The following MTR variants were observed in gnomAD, a reference collection of about 807,000 sequenced individuals.
MTR encodes the protein 5-methyltetrahydrofolate-homocysteine methyltransferase, also known as methionine synthase.
In MTR, 84 loss-of-function variants were observed where a neutral mutation model predicts 154.8. The ratio of observed to expected loss-of-function variants is 0.54; its 90% CI spans 0.45 to 0.65. The LOEUF is 0.65. Ranked by LOEUF, MTR falls within the 30% of genes least tolerant of loss-of-function variation. MTR has a pLI of 0.00. For synonymous variants in MTR, 554 were observed against 553.9 expected (o/e 1.00, Z 0.00); for missense variants, 1,275 against 1,570.2 (o/e 0.81, Z 3.18).
intron 8 of MTR, chr1:236,819,774 T>C (rs137996827): frequency 2.6e-6 from 2 of 757,258 alleles, no homozygotes; most frequent in Non-Finnish European, 4.8e-6. Context: ...TGATGGGATC[T>C]ACATCATAAA....
chr1:236,852,875 A>T (rs1334206461), intron 17 of MTR, 73 bp from the exon 18 acceptor site: 5 of 1,556,404 alleles, frequency 3.2e-6, no homozygotes, highest in African/African-American at 1.4e-5. Context: ...CTGGCCCTTT[A>T]CAGAGAAAAG....
intron 19 of MTR, among the ~76,000 whole-genome samples, 166 bp downstream of exon 19, chr1:236,860,088 C>A (rs991483809): frequency 1.6e-5 from 1 of 64,498 alleles, no homozygotes; most frequent in Non-Finnish European, 3.3e-5. Context: ...CCCCCCCCCC[C>A]CCACCATAGC....
intron 31 of MTR, among the ~76,000 whole-genome samples, chr1:236,896,070 C>T (rs1176472005): frequency 6.6e-6 from 1 of 152,148 alleles, no homozygotes; most frequent in Non-Finnish European, 1.5e-5. Context: ...TATGTTTTGC[C>T]TGTGGATTGA....
chr1:236,801,457 C>T (rs1469966798), intron 1 of MTR, among the ~76,000 whole-genome samples: 1 of 152,172 alleles, frequency 6.6e-6, no homozygotes, highest in Non-Finnish European at 1.5e-5. Context: ...CCATTTAGCC[C>T]CAGTTCTCAT....
intron 15 of MTR, among the ~76,000 whole-genome samples, chr1:236,846,248 T>C (rs369175514): frequency 4.6e-5 from 7 of 152,252 alleles, no homozygotes; most frequent in South Asian, 4.1e-4. Context: ...ACAAGTATAC[T>C]GACTCTAGAT....
intron 24 of MTR, among the ~76,000 whole-genome samples, chr1:236,879,605 C>T (rs190964400): frequency 1.3e-5 from 2 of 152,226 alleles, no homozygotes; most frequent in African/African-American, 4.8e-5. Flanking sequence ...TCCTCCCTCT[C>T]CAGGGGTTCT....
At chr1:236,874,575 A>G in intron 23 of MTR, 151 bp from the exon 24 acceptor site, 1 of 648,720 alleles carries the variant, frequency 1.5e-6, no homozygotes, top group Middle Eastern at 4.6e-4. Flanking sequence ...CATCTCAAAA[A>G]AAAAAAAAAA....
intron 30 of MTR, 97 bp downstream of exon 30, chr1:236,894,654 G>T: frequency 2.2e-5 from 25 of 1,147,548 alleles, no homozygotes; most frequent in Non-Finnish European, 3.1e-5. Flanking sequence ...CTTAGAACCA[G>T]TGTCTTTTTT....
chr1:236,883,484 A>G (rs1325520334), intron 25 of MTR, among the ~76,000 whole-genome samples: 1 of 152,218 alleles, frequency 6.6e-6, no homozygotes, highest in Non-Finnish European at 1.5e-5. Flanking sequence ...TGTCAAGGAC[A>G]TCTGGTTTTG....
intron 6 of MTR, among the ~76,000 whole-genome samples, chr1:236,813,506 A>T (rs1016043153): frequency 6.6e-6 from 1 of 152,180 alleles, no homozygotes; most frequent in South Asian, 2.1e-4. Context: ...AGCAATGTAC[A>T]ATAGTCCTGG....
chr1:236,890,373 G>T (rs1042577266), intron 28 of MTR, among the ~76,000 whole-genome samples: 1 of 152,158 alleles, frequency 6.6e-6, no homozygotes, highest in African/African-American at 2.4e-5. Flanking sequence ...GCAGGTCCGG[G>T]AGCAGGCCAG....
At chr1:236,865,560 A>C (rs1370846003) in intron 22 of MTR, among the ~76,000 whole-genome samples, 1 of 152,334 alleles carries the variant, frequency 6.6e-6, no homozygotes, top group South Asian at 2.1e-4. Context: ...CTCAAAAATG[A>C]TAACAATGTT....
In MTR at chr1:236,816,496, G is replaced by A; in HGVS notation, c.717G>A (p.Gln239=). The A allele has an allele frequency of 6.2e-7, 1 of 1,614,172 alleles. No individual in the cohort carries two copies. The highest frequency in any genetic ancestry group is 1.1e-5 in the South Asian group (1 of 91,080). Residue 239 remains glutamine (Q), a synonymous_variant, in exon 8 of 33, where the codon CAG becomes CAA. Coordinates refer to ENST00000366577, the MANE Select transcript of MTR (RefSeq NM_000254.3). The part of the protein sequence containing the change: ...VDKSGRTLSG[Q]TGEGFVISVS... ...AAAGTGGGCGGACTCTTTCCGGACA[G>A]ACAGGAGAGGGATTTGTCATCAGCG... is the stretch of plus-strand genomic sequence containing the variant.
At chr1:236,840,712 C>T (rs1240556147) in intron 15 of MTR, among the ~76,000 whole-genome samples, 1 of 152,166 alleles carries the variant, frequency 6.6e-6, no homozygotes. Flanking sequence ...TGGATTAAAA[C>T]TCCATGTTTT....
chr1:236,818,698 G>A (rs1661746230), intron 8 of MTR, among the ~76,000 whole-genome samples: 1 of 152,202 alleles, frequency 6.6e-6, no homozygotes, highest in Admixed American at 6.5e-5. Context: ...TTACATATAT[G>A]TAGGAAACTT....
chr1:236,863,713 C>G (rs1022334571), intron 22 of MTR, among the ~76,000 whole-genome samples, 159 bp downstream of exon 22: 1 of 152,102 alleles, frequency 6.6e-6, no homozygotes, highest in African/African-American at 2.4e-5. Context: ...GAATTTTCTA[C>G]GTGAACACAG....
In MTR at chr1:236,863,401, G is replaced by T; in HGVS notation, c.2305-53G>T. The T allele has an allele frequency of 2.1e-6, 3 of 1,421,516 alleles. No homozygotes were observed. The South Asian group carries it at 3.5e-5, about 16-fold the overall frequency. 88.1% of individuals were successfully genotyped at this position (1,421,516 alleles called of 1,614,324 possible). A position where few individuals can be genotyped will look rare whatever the true frequency, so the allele number is the denominator to read the frequency against. On this transcript the variant is annotated intron_variant, in intron 21 of 32. Coordinates refer to ENST00000366577, the MANE Select transcript of MTR (RefSeq NM_000254.3). Reference sequence around the variant, plus strand: ...CCCCTGCCTGGCTCTGGAGAACTAGGTGTTCCACCCTAAACAACCCTGCCT... The same window carrying T: ...CCCCTGCCTGGCTCTGGAGAACTAGTTGTTCCACCCTAAACAACCCTGCCT...
chr1:236,897,462 G>T, intron 32 of MTR, 96 bp from the exon 33 acceptor site: 3 of 1,147,862 alleles, frequency 2.6e-6, no homozygotes, highest in Non-Finnish European at 4.0e-6. Flanking sequence ...GACAAGAAAT[G>T]CAAGGTACTT....
intron 25 of MTR, among the ~76,000 whole-genome samples, chr1:236,882,403 T>G (rs965731309): frequency 1.5e-3 from 229 of 152,002 alleles, no homozygotes; most frequent in African/African-American, 5.4e-3. Flanking sequence ...TTTTTTTTTT[T>G]TTTTTGAGAC....
Sources: gnomAD v4.1 joint callset for allele counts (sites outside exome capture counted in the v4.1 genomes callset) on GRCh38, gnomAD v4.1.1 for gene constraint, MANE v1.5 for transcripts, NCBI Gene and HGNC (gene_info 2026-07-23, HGNC 2026-07-21) for gene names.